NHS: variants seen among roughly 807,000 people sequenced by gnomAD.
NHS encodes the protein actin remodeling regulator NHS.
NHS carries 5 observed loss-of-function variants against 72.5 expected under a neutral mutation model. The ratio of observed to expected loss-of-function variants is 0.07; its 90% CI spans 0.04 to 0.14. The LOEUF (loss-of-function observed/expected upper bound fraction) is 0.14, where lower values mean the gene tolerates loss of function less well. Ranked by LOEUF, NHS falls within the 10% of genes least tolerant of loss-of-function variation. The probability of loss-of-function intolerance (pLI) is 1.00; values close to 1 mark genes in which losing one functional copy is unlikely to be tolerated. For synonymous variants in NHS, 464 were observed against 547.7 expected, an observed-to-expected ratio of 0.85 and a Z score of 2.13; for missense variants, 1,072 against 1,355.7, an observed-to-expected ratio of 0.79 and a Z score of 3.29.
rs932064321 is a variant in NHS, at chrX:17,581,372, C to T, written c.566-106370C>T. On this transcript the variant is annotated intron_variant, in intron 1 of 8. Coordinates refer to ENST00000676302, the MANE Select transcript of NHS (RefSeq NM_001291867.2). ...CACCCAAGAGTTGATGGTAGAGGGT[C>T]CCCCAGAAATGGGAAGAGAGACTGG... Among the ~76,000 whole-genome samples the T allele has an allele frequency of 6.3e-5, 7 of 111,230 alleles. No individual in the cohort carries two copies. The South Asian group carries it at 2.7e-3, about 43-fold the overall frequency.
At chrX:17,644,184 C>G (rs984612495) in intron 1 of NHS, among the ~76,000 whole-genome samples, 4 of 112,087 alleles carry the variant, frequency 3.6e-5, no homozygotes, top group African/African-American at 1.3e-4. Flanking sequence ...CACAAAGCTG[C>G]CCGGGGCCAA....
intron 2 of NHS, among the ~76,000 whole-genome samples, chrX:17,692,036 G>A (rs2066198941): frequency 9.0e-6 from 1 of 111,671 alleles, no homozygotes; most frequent in Non-Finnish European, 1.9e-5. Flanking sequence ...AACTTTTGTT[G>A]TTGTTGTTGT....
intron 1 of NHS, among the ~76,000 whole-genome samples, chrX:17,574,130 A>G (rs1027153275): frequency 9.0e-6 from 1 of 111,722 alleles, no homozygotes; most frequent in Non-Finnish European, 1.9e-5. Context: ...GTCATGCTAC[A>G]CAGGGGTCAG....
intron 1 of NHS, among the ~76,000 whole-genome samples, chrX:17,655,969 A>G (rs759236660): frequency 1.1e-5 from 1 of 88,570 alleles, no homozygotes; most frequent in Non-Finnish European, 2.2e-5. Context: ...CTCTTTTTGC[A>G]TCTGAAGGAG....
At chrX:17,521,014 A>G (rs1277116215) in intron 1 of NHS, among the ~76,000 whole-genome samples, 1 of 111,623 alleles carries the variant, frequency 9.0e-6, no homozygotes, top group African/African-American at 3.3e-5. Flanking sequence ...CGCACAGTAC[A>G]GTCTAAGAAG....
chrX:17,636,640 A>G (rs992969039), intron 1 of NHS, among the ~76,000 whole-genome samples: 10 of 112,166 alleles, frequency 8.9e-5, no homozygotes, highest in African/African-American at 3.2e-4. Context: ...TATTAGCCCA[A>G]CAGCTACCAA....
intron 1 of NHS, chrX:17,528,483 T>C (rs1274329310): frequency 8.9e-6 from 1 of 112,255 alleles, no homozygotes; most frequent in Non-Finnish European, 1.9e-5. Flanking sequence ...ATCCTTGAGT[T>C]ACATGTGAAT....
chrX:17,678,293 TGAGAGAGA>T (rs756746897), intron 1 of NHS, among the ~76,000 whole-genome samples: 2 of 101,900 alleles, frequency 2.0e-5, no homozygotes, highest in East Asian at 3.0e-4. Context: ...TGTGTGTGTG[TGAGAGAGA>T]GAGAGAGAGA....
intron 1 of NHS, among the ~76,000 whole-genome samples, chrX:17,547,765 T>C (rs1031853457): frequency 2.7e-5 from 3 of 112,447 alleles, no homozygotes; most frequent in African/African-American, 9.7e-5. Flanking sequence ...ACACATACAC[T>C]TATTCTTTCT....
intron 1 of NHS, among the ~76,000 whole-genome samples, chrX:17,599,422 AT>A (rs776363539): frequency 3.7e-4 from 40 of 107,722 alleles, no homozygotes; most frequent in Middle Eastern, 4.8e-3. Flanking sequence ...GGGTGGCAGA[AT>A]TTTTTTTTTG....
At chrX:17,453,656 T>C (rs766419220) in intron 1 of NHS, among the ~76,000 whole-genome samples, 4 of 112,587 alleles carry the variant, frequency 3.6e-5, no homozygotes, top group Admixed American at 9.4e-5. Context: ...GTTTACCTTA[T>C]ACATTTAAAA....
chrX:17,685,099 A>AT (rs1183177059), intron 1 of NHS, among the ~76,000 whole-genome samples: 1 of 111,800 alleles, frequency 8.9e-6, no homozygotes, highest in Non-Finnish European at 1.9e-5. Context: ...AAAGGAATAG[A>AT]TTTTTTAAAG....
intron 1 of NHS, among the ~76,000 whole-genome samples, chrX:17,416,993 C>A (rs911118760): frequency 9.0e-6 from 1 of 110,900 alleles, no homozygotes; most frequent in Admixed American, 9.7e-5. Context: ...ATTACATTCA[C>A]CCTCTTTATT....
chrX:17,399,376 A>G (rs2064492361), intron 1 of NHS, among the ~76,000 whole-genome samples: 1 of 111,951 alleles, frequency 8.9e-6, no homozygotes, highest in Admixed American at 9.5e-5. Flanking sequence ...TGCTGGAATT[A>G]CAGGCGTGAG....
intron 5 of NHS, among the ~76,000 whole-genome samples, chrX:17,723,344 A>G (rs1437329753): frequency 8.9e-6 from 1 of 112,069 alleles, no homozygotes; most frequent in Admixed American, 9.4e-5. Context: ...GGCAAAGCTC[A>G]CTTTGAAAAA....
At chrX:17,619,816 G>T (rs954366698) in intron 1 of NHS, among the ~76,000 whole-genome samples, 1 of 111,361 alleles carries the variant, frequency 9.0e-6, no homozygotes, top group Non-Finnish European at 1.9e-5. Context: ...TCATGTCTGG[G>T]TTGCTTGCCT....
At chrX:17,448,553 T>C (rs1378470113) in intron 1 of NHS, among the ~76,000 whole-genome samples, 1 of 112,071 alleles carries the variant, frequency 8.9e-6, no homozygotes, top group Non-Finnish European at 1.9e-5. Flanking sequence ...TAGTGCCATC[T>C]CAGAATGAGT....
chrX:17,462,448 C>T (rs781233098), intron 1 of NHS, among the ~76,000 whole-genome samples: 1 of 111,398 alleles, frequency 9.0e-6, no homozygotes, highest in African/African-American at 3.3e-5. Context: ...CCATTATGAG[C>T]TTATTGAAAT....
At chrX:17,568,807 C>T (rs1490809545) in intron 1 of NHS, among the ~76,000 whole-genome samples, 3 of 108,878 alleles carry the variant, frequency 2.8e-5, no homozygotes, top group African/African-American at 6.7e-5. Flanking sequence ...CTGATGTTAT[C>T]GCTCCCCTAG....
Sources: gnomAD v4.1 joint callset for allele counts (sites outside exome capture counted in the v4.1 genomes callset) on GRCh38, gnomAD v4.1.1 for gene constraint, MANE v1.5 for transcripts, NCBI Gene and HGNC (gene_info 2026-07-23, HGNC 2026-07-21) for gene names.